The following LRP1B variants were observed in gnomAD, a reference collection of about 807,000 sequenced individuals.
The protein encoded by LRP1B is low-density lipoprotein receptor-related protein 1B.
Under a neutral mutation model 556.6 loss-of-function variants are expected in LRP1B, and 217 were observed. The observed-to-expected ratio is 0.39, with a 90% confidence interval of 0.35 to 0.44. The LOEUF (loss-of-function observed/expected upper bound fraction) is 0.44. Ranked by LOEUF, LRP1B falls within the 20% of genes least tolerant of loss-of-function variation. LRP1B has a pLI of 1.00. For missense variants in LRP1B, 5,053 were observed against 5,620.8 expected, an observed-to-expected ratio of 0.90 and a Z score of 3.23; for synonymous variants, 2,047 against 1,865.8, an observed-to-expected ratio of 1.10 and a Z score of -2.50.
intron 21 of LRP1B, among the ~76,000 whole-genome samples, chr2:140,915,215 A>C (rs1256164611): frequency 6.6e-6 from 1 of 152,152 alleles, no homozygotes; most frequent in African/African-American, 2.4e-5. Context: ...AAAGGTAATA[A>C]AATCAAAGAA....
chr2:142,107,442 G>A (rs570451646), intron 1 of LRP1B, among the ~76,000 whole-genome samples: 1 of 152,086 alleles, frequency 6.6e-6, no homozygotes, highest in East Asian at 1.9e-4. Context: ...TCTGCTATGG[G>A]CTGACGCAGC....
chr2:141,188,594 CAT>C lies in LRP1B; in HGVS notation c.851-13_851-12del. On this transcript the variant is annotated splice_polypyrimidine_tract_variant and intron_variant, in intron 6 of 90. Coordinates refer to ENST00000389484, the MANE Select transcript of LRP1B (RefSeq NM_018557.3). ...CCATTTGTTGCACATCTGAAAAACA[CAT>C]ACACAAAATCATTGAATCACAGGTG... 4 of 1,610,382 alleles carry C rather than the reference CAT, an allele frequency of 2.5e-6. No individual in the cohort carries two copies. The highest frequency in any genetic ancestry group is 3.4e-6 in the Non-Finnish European group (4 of 1,177,868).
chr2:141,259,719 T>C (rs1684615786), intron 3 of LRP1B, among the ~76,000 whole-genome samples: 1 of 152,178 alleles, frequency 6.6e-6, no homozygotes, highest in Non-Finnish European at 1.5e-5. Flanking sequence ...GGTTATTTGT[T>C]ACATATGAGT....
In LRP1B at chr2:140,503,073, C is replaced by T. The variant is rs1348671060; in HGVS notation, c.8552G>A (p.Ser2851Asn). Residue 2851 changes from serine to asparagine, a missense_variant, in exon 54 of 91, where the codon AGT becomes AAT. This residue lies in a region of LRP1B where 3,619 missense variants were observed against 3,931.9 expected (regional missense o/e 0.92). Transcript: ENST00000389484. ...TAGAAGACACCGCCCATCAGCACAA[C>T]TAAATTCTTCTGTACCACACTGTCG... ...GYRQCGTEEF[S>N]CADGRCLLNT... 1 of 1,613,176 alleles carries T rather than the reference C, an allele frequency of 6.2e-7. No homozygotes were observed. Among genetic ancestry groups the T allele is most frequent in the Admixed American group, 1.7e-5 (1 of 59,942 alleles).
At chr2:140,397,430 G>C (rs924032525) in intron 66 of LRP1B, among the ~76,000 whole-genome samples, 1 of 151,940 alleles carries the variant, frequency 6.6e-6, no homozygotes, top group Non-Finnish European at 1.5e-5. Flanking sequence ...AATTAGACTT[G>C]TATTCCTTGG....
intron 41 of LRP1B, chr2:140,683,740 TC>T: frequency 1.1e-6 from 1 of 924,258 alleles, no homozygotes; most frequent in Non-Finnish European, 1.7e-6. Context: ...GGCTAGTCGA[TC>T]CATAGCCTTC....
At chr2:142,062,618 A>T (rs1704962984) in intron 1 of LRP1B, among the ~76,000 whole-genome samples, 1 of 151,840 alleles carries the variant, frequency 6.6e-6, no homozygotes, top group Non-Finnish European at 1.5e-5. Context: ...AAGTGATAAC[A>T]ATTACTATAA....
intron 2 of LRP1B, among the ~76,000 whole-genome samples, chr2:141,782,324 G>A (rs1695281196): frequency 6.6e-6 from 1 of 151,820 alleles, no homozygotes. Context: ...AATAGTAATG[G>A]ATTTTACCAC....
rs1339496296 is a variant in LRP1B, at chr2:140,623,956, G to GTGTGTATATATATATA, written c.6800-22318_6800-22317insTATATATATATACACA. Among the ~76,000 whole-genome samples, 31 of 106,418 alleles carry GTGTGTATATATATATA rather than the reference G, an allele frequency of 2.9e-4. 1 individual carries two copies. Among genetic ancestry groups the GTGTGTATATATATATA allele is most frequent in the Non-Finnish European group, 3.8e-4 (20 of 52,730 alleles). 69.8% of individuals were successfully genotyped at this position (106,418 alleles called of 152,430 possible). A position where few individuals can be genotyped will look rare whatever the true frequency, so the allele number is the denominator to read the frequency against. ...AAAATATATATTATATTTTATTTAT[G>GTGTGTATATATATATA]TATATATATATATATATAGCTTAGT... On this transcript the variant is annotated intron_variant, in intron 41 of 90. Coordinates refer to ENST00000389484, the MANE Select transcript of LRP1B (RefSeq NM_018557.3).
intron 21 of LRP1B, among the ~76,000 whole-genome samples, chr2:140,915,653 AAAATAAATAAATAAAT>A (rs70991117): frequency 1.4e-5 from 2 of 145,102 alleles, no homozygotes; most frequent in East Asian, 2.0e-4. Context: ...CTTTGTCTCA[AAAATAAATAAATAAAT>A]AAATAAATAA....
intron 2 of LRP1B, among the ~76,000 whole-genome samples, chr2:141,623,626 G>C (rs1367993506): frequency 6.6e-6 from 1 of 152,002 alleles, no homozygotes. Context: ...ACCCACTTTG[G>C]TGTAGAGTAA....
At chr2:140,573,028 C>T (rs2105111506) in intron 43 of LRP1B, among the ~76,000 whole-genome samples, 1 of 151,668 alleles carries the variant, frequency 6.6e-6, no homozygotes, top group Admixed American at 6.6e-5. Flanking sequence ...TGTCGGTTAA[C>T]AAATGCAAAA....
At chr2:141,065,997 C>A (rs1414541931) in intron 7 of LRP1B, among the ~76,000 whole-genome samples, 4 of 151,844 alleles carry the variant, frequency 2.6e-5, no homozygotes, top group African/African-American at 9.7e-5. Flanking sequence ...GTGTTATCAA[C>A]TATTTTTTGT....
intron 11 of LRP1B, among the ~76,000 whole-genome samples, chr2:141,038,441 T>G (rs2105427451): frequency 6.6e-6 from 1 of 152,114 alleles, no homozygotes; most frequent in South Asian, 2.1e-4. Context: ...TGATGTGGAG[T>G]AAGAAAGATT....
chr2:141,092,062 T>A (rs1700183724), intron 7 of LRP1B, among the ~76,000 whole-genome samples: 3 of 152,360 alleles, frequency 2.0e-5, no homozygotes, highest in South Asian at 4.1e-4. Flanking sequence ...AGTTTGTTGA[T>A]ATTTTTGTAA....
intron 79 of LRP1B, among the ~76,000 whole-genome samples, chr2:140,332,813 G>T (rs1052106644): frequency 6.6e-6 from 1 of 151,908 alleles, no homozygotes; most frequent in Non-Finnish European, 1.5e-5. Context: ...CTCATTTTAG[G>T]CACTCGCCTA....
chr2:140,950,166 G>T, intron 20 of LRP1B, 69 bp downstream of exon 20: 1 of 1,149,050 alleles, frequency 8.7e-7, no homozygotes, highest in Non-Finnish European at 1.2e-6. Context: ...TATTCTCTCT[G>T]TAATACCCTA....
chr2:141,482,053 T>C (rs550773515), intron 2 of LRP1B, among the ~76,000 whole-genome samples: 2 of 152,108 alleles, frequency 1.3e-5, no homozygotes, highest in Admixed American at 1.3e-4. Flanking sequence ...ATAATAATAA[T>C]TAAAAGGCCA....
At chr2:141,832,201 ATTTT>A (rs906460639) in intron 1 of LRP1B, among the ~76,000 whole-genome samples, 1 of 148,758 alleles carries the variant, frequency 6.7e-6, no homozygotes, top group Admixed American at 6.7e-5. Context: ...TGGTTCATTT[ATTTT>A]TTTTTTCTTA....
Sources: gnomAD v4.1 joint callset for allele counts (sites outside exome capture counted in the v4.1 genomes callset) on GRCh38, gnomAD v4.1.1 for gene constraint, gnomAD v4.1.1 regional missense constraint, MANE v1.5 for transcripts, NCBI Gene and HGNC (gene_info 2026-07-23, HGNC 2026-07-21) for gene names.